ZMAT3: variants seen among roughly 807,000 people sequenced by gnomAD.
ZMAT3 encodes the protein zinc finger matrin-type protein 3.
ZMAT3 carries 17 observed loss-of-function variants against 32.3 expected under a neutral mutation model. The ratio of observed to expected loss-of-function variants is 0.53; its 90% CI spans 0.36 to 0.79. ZMAT3 has a LOEUF of 0.79. ZMAT3 is among the 30% of genes least tolerant of loss of function. ZMAT3 has a pLI of 0.00. For missense variants in ZMAT3, 329 were observed against 359.7 expected (o/e 0.91, Z 0.69); for synonymous variants, 120 against 133.1 (o/e 0.90, Z 0.68).
At chr3:179,060,113 CTT>C (rs1243186508) in intron 2 of ZMAT3, among the ~76,000 whole-genome samples, 1 of 151,788 alleles carries the variant, frequency 6.6e-6, no homozygotes, top group East Asian at 1.9e-4. Context: ...TATGGGAGCT[CTT>C]GTTTTCACTC....
intron 2 of ZMAT3, among the ~76,000 whole-genome samples, chr3:179,048,996 GACA>G (rs1211807473): frequency 6.6e-6 from 1 of 152,108 alleles, no homozygotes; most frequent in African/African-American, 2.4e-5. Flanking sequence ...TATGCAAATG[GACA>G]ACAAAAGTGA....
At chr3:179,041,064 G>A (rs528129054) in intron 2 of ZMAT3, among the ~76,000 whole-genome samples, 1 of 152,288 alleles carries the variant, frequency 6.6e-6, no homozygotes, top group African/African-American at 2.4e-5. Context: ...CAATACAGGA[G>A]CACCCAGATT....
In ZMAT3 at chr3:179,023,689, A is replaced by AATATATAAATATATATATAT. The variant is rs1232846996; in HGVS notation, c.*1327_*1328insATATATATATATTTATATAT. The AATATATAAATATATATATAT allele has an allele frequency of 0.015, 613 of 42,142 alleles. 109 individuals are homozygous for AATATATAAATATATATATAT. Among genetic ancestry groups the AATATATAAATATATATATAT allele is most frequent in the African/African-American group, 0.044 (323 of 7,420 alleles). The allele number at this position is 42,142 out of a possible 1,614,324, so 2.6% of individuals were successfully genotyped here. A position where few individuals can be genotyped will look rare whatever the true frequency, so the allele number is the denominator to read the frequency against. On this transcript the variant is annotated 3_prime_UTR_variant, in exon 6 of 6. Coordinates refer to ENST00000311417, the MANE Select transcript of ZMAT3 (RefSeq NM_022470.4). The stretch of plus-strand genomic sequence containing the variant: ...CTTTGTTTCCTAAAAACTGCTGGAA[A>AATATATAAATATATATATAT]ATATATCTATATATATATATATTTT...
At chr3:179,058,109 G>A (rs1232540794) in intron 2 of ZMAT3, among the ~76,000 whole-genome samples, 2 of 152,220 alleles carry the variant, frequency 1.3e-5, no homozygotes, top group African/African-American at 4.8e-5. Flanking sequence ...TAGCCTCATT[G>A]TTTACAGGTA....
In ZMAT3 at chr3:179,058,232, T is replaced by C. The variant is rs190096315; in HGVS notation, c.270+9251A>G. On this transcript the variant is annotated intron_variant, in intron 2 of 5. Coordinates refer to ENST00000311417, the MANE Select transcript of ZMAT3 (RefSeq NM_022470.4). The stretch of plus-strand genomic sequence containing the variant: ...ACTCACTGCTAAAGAAGACTTGCTG[T>C]CAGACAACCGTTTACTTAAATATCA... Among the ~76,000 whole-genome samples, 100 of 152,322 alleles carry C rather than the reference T, an allele frequency of 6.6e-4. 1 individual carries two copies. Among genetic ancestry groups the C allele is most frequent in the Non-Finnish European group, 9.8e-4 (67 of 68,030 alleles).
At chr3:179,065,226 C>T (rs950387620) in intron 2 of ZMAT3, among the ~76,000 whole-genome samples, 2 of 152,154 alleles carry the variant, frequency 1.3e-5, no homozygotes, top group Admixed American at 1.3e-4. Context: ...CCCATTACAT[C>T]CTGTTCTCCT....
intron 2 of ZMAT3, among the ~76,000 whole-genome samples, chr3:179,053,266 A>AT (rs1474695778): frequency 6.6e-6 from 1 of 150,474 alleles, no homozygotes; most frequent in Non-Finnish European, 1.5e-5. Context: ...TATATTCTAT[A>AT]TAGAGATAAT....
intron 2 of ZMAT3, among the ~76,000 whole-genome samples, chr3:179,041,761 CAAAAATCCCTTCA>C (rs1208593734): frequency 6.6e-6 from 1 of 151,596 alleles, no homozygotes; most frequent in East Asian, 1.9e-4. Flanking sequence ...GACAGACACA[CAAAAATCCCTTCA>C]AAAAATCACT....
At chr3:179,070,806 C>A (rs931398905) in intron 1 of ZMAT3, among the ~76,000 whole-genome samples, 3 of 152,194 alleles carry the variant, frequency 2.0e-5, no homozygotes, top group African/African-American at 7.2e-5. Flanking sequence ...CAAAGCTTCA[C>A]AAGGTACCCT....
chr3:179,044,322 C>T (rs552889385), intron 2 of ZMAT3, among the ~76,000 whole-genome samples: 2 of 152,288 alleles, frequency 1.3e-5, no homozygotes, highest in African/African-American at 2.4e-5. Context: ...GGAACCAACC[C>T]GAATGTCCAT....
intron 3 of ZMAT3, among the ~76,000 whole-genome samples, chr3:179,030,251 T>G (rs1409017381): frequency 6.6e-6 from 1 of 152,160 alleles, no homozygotes; most frequent in Non-Finnish European, 1.5e-5. Flanking sequence ...AGGCAAAATC[T>G]GAAATAAATG....
intron 2 of ZMAT3, among the ~76,000 whole-genome samples, chr3:179,052,272 T>C (rs1159014658): frequency 6.6e-6 from 1 of 152,154 alleles, no homozygotes; most frequent in Non-Finnish European, 1.5e-5. Context: ...ATATCCAGTC[T>C]ACAAGGAATT....
chr3:179,063,823 GAATAT>G (rs1368143243), intron 2 of ZMAT3, among the ~76,000 whole-genome samples: 1 of 152,170 alleles, frequency 6.6e-6, no homozygotes, highest in African/African-American at 2.4e-5. Flanking sequence ...CTAATTTTAA[GAATAT>G]AATATTTGAT....
chr3:179,025,332 T>A (rs1718810439), intron 5 of ZMAT3, 104 bp from the exon 6 acceptor site: 1 of 981,756 alleles, frequency 1.0e-6, no homozygotes, highest in East Asian at 2.6e-5. Flanking sequence ...AATTATAAAA[T>A]TCACAGATTC....
intron 1 of ZMAT3, 63 bp downstream of exon 1, chr3:179,071,532 T>C (rs1721715808): frequency 6.6e-6 from 1 of 152,230 alleles, no homozygotes; most frequent in Non-Finnish European, 1.5e-5. Flanking sequence ...AAGGAACCGC[T>C]AGTCCCCGGC....
chr3:179,067,141 C>T (rs1345292585), intron 2 of ZMAT3, among the ~76,000 whole-genome samples: 1 of 152,118 alleles, frequency 6.6e-6, no homozygotes, highest in Non-Finnish European at 1.5e-5. Flanking sequence ...GACAAAGTCT[C>T]GCTCTGTCAC....
chr3:179,025,295 T>A (rs1208333682), intron 5 of ZMAT3, 67 bp from the exon 6 acceptor site: 4 of 1,261,214 alleles, frequency 3.2e-6, no homozygotes, highest in Non-Finnish European at 4.5e-6. Context: ...TGACCAATTA[T>A]CACTGTAATT....
chr3:179,041,953 A>C (rs1317528365), intron 2 of ZMAT3, among the ~76,000 whole-genome samples: 1 of 152,234 alleles, frequency 6.6e-6, no homozygotes, highest in Non-Finnish European at 1.5e-5. Flanking sequence ...AATACTATAA[A>C]CACCTCTACG....
At position 179,020,600 on chromosome 3, in the gene ZMAT3, C is replaced by A. The variant is rs1718495121; in HGVS notation, c.*4417G>T. ...GTCCTGACAAAACATGTCTCAATTT[C>A]TTTCTAAAGCAGCTCTATTGTCCTA... On this transcript the variant is annotated 3_prime_UTR_variant, in exon 6 of 6. Coordinates refer to ENST00000311417, the MANE Select transcript of ZMAT3 (RefSeq NM_022470.4). The A allele has an allele frequency of 1.3e-5, 2 of 152,314 alleles. No individual in the cohort carries two copies. Among genetic ancestry groups the A allele is most frequent in the African/African-American group, 4.8e-5 (2 of 41,574 alleles). The allele number at this position is 152,314 out of a possible 1,614,324, so 9.4% of individuals were successfully genotyped here. A position where few individuals can be genotyped will look rare whatever the true frequency, so the allele number is the denominator to read the frequency against.
Sources: allele counts gnomAD v4.1 joint callset (sites outside exome capture counted in the v4.1 genomes callset), GRCh38; gene constraint gnomAD v4.1.1; transcripts MANE v1.5; gene names NCBI Gene and HGNC (gene_info 2026-07-23, HGNC 2026-07-21).